XPNPEP2: variants seen among roughly 807,000 people sequenced by gnomAD.
The protein encoded by XPNPEP2 is xaa-Pro aminopeptidase 2.
Under a neutral mutation model 59.8 loss-of-function variants are expected in XPNPEP2, and 64 were observed. That is an observed-to-expected ratio of 1.07 (90% confidence interval 0.87 to 1.32). XPNPEP2 has a LOEUF of 1.32. XPNPEP2 is among the 40% of genes most tolerant of loss of function. The probability of loss-of-function intolerance (pLI) is 0.00; values close to 1 mark genes in which losing one functional copy is unlikely to be tolerated. For synonymous variants in XPNPEP2, 235 were observed against 210.0 expected (o/e 1.12, Z -1.03); for missense variants, 575 against 546.8 (o/e 1.05, Z -0.51).
intron 13 of XPNPEP2, among the ~76,000 whole-genome samples, chrX:129,755,724 T>C (rs926008828): frequency 2.7e-5 from 3 of 112,852 alleles, no homozygotes; most frequent in African/African-American, 9.7e-5. Context: ...GGGCCCAAGA[T>C]ACAGGCTAGC....
chrX:129,765,490 T>C, intron 19 of XPNPEP2, among the ~76,000 whole-genome samples: 1 of 111,404 alleles, frequency 9.0e-6, no homozygotes, highest in Non-Finnish European at 1.9e-5. Context: ...TTGTACTTTC[T>C]CCAACAGTGT....
chrX:129,754,667 G>T (rs1331129548), intron 12 of XPNPEP2, 86 bp downstream of exon 12: 4 of 904,819 alleles, frequency 4.4e-6, no homozygotes, highest in Non-Finnish European at 4.6e-6. Flanking sequence ...CCCTTACTTA[G>T]CAGAAAGGAA....
chrX:129,749,600 G>C (rs1404338329), intron 7 of XPNPEP2, among the ~76,000 whole-genome samples: 2 of 113,358 alleles, frequency 1.8e-5, no homozygotes, highest in East Asian at 2.8e-4. Context: ...CCTTCGGCCA[G>C]CAAACTCCTA....
intron 4 of XPNPEP2, 116 bp downstream of exon 4, chrX:129,745,382 A>AC: frequency 1.2e-6 from 1 of 825,654 alleles, no homozygotes; most frequent in Non-Finnish European, 1.8e-6. Flanking sequence ...TGTAGAGAAA[A>AC]CCCTTCTACT....
chrX:129,767,557 C>G (rs997120960), intron 19 of XPNPEP2, 46 bp from the exon 20 acceptor site: 3 of 1,165,326 alleles, frequency 2.6e-6, no homozygotes, highest in Non-Finnish European at 3.5e-6. Context: ...AGTTCCTCCT[C>G]CTCCCTCACT....
chrX:129,760,471 C>T, intron 15 of XPNPEP2, 41 bp from the exon 16 acceptor site: 2 of 1,186,491 alleles, frequency 1.7e-6, no homozygotes, highest in South Asian at 1.8e-5. Context: ...CCTCTGGCTC[C>T]TCCTCCCGTC....
At chrX:129,757,531 C>T (rs1351337028) in intron 14 of XPNPEP2, among the ~76,000 whole-genome samples, 1 of 108,021 alleles carries the variant, frequency 9.3e-6, no homozygotes, top group Non-Finnish European at 1.9e-5. Context: ...CCTGGCCAGG[C>T]GTGGTGGCTC....
At chrX:129,740,330 C>A (rs1926148731) in intron 1 of XPNPEP2, among the ~76,000 whole-genome samples, 2 of 112,610 alleles carry the variant, frequency 1.8e-5, no homozygotes. Flanking sequence ...TGTAGCTCAG[C>A]CCACTCGAAA....
intron 2 of XPNPEP2, among the ~76,000 whole-genome samples, chrX:129,743,295 T>C (rs1339225845): frequency 1.8e-5 from 2 of 112,046 alleles, no homozygotes; most frequent in Non-Finnish European, 3.8e-5. Flanking sequence ...AGAGAACTGG[T>C]CTGGAAAGGG....
At chrX:129,742,753 T>A (rs375915405) in intron 2 of XPNPEP2, among the ~76,000 whole-genome samples, 26 of 111,069 alleles carry the variant, frequency 2.3e-4, no homozygotes, top group African/African-American at 7.9e-4. Flanking sequence ...AATAAAAAAA[T>A]TAGCCAGGCA....
At chrX:129,768,221 G>A (rs1296852442) in intron 20 of XPNPEP2, 70 bp from the exon 21 acceptor site, 1 of 1,046,576 alleles carries the variant, frequency 9.6e-7, no homozygotes, top group Non-Finnish European at 1.3e-6. Context: ...ACAGGGGACT[G>A]GGCGTCACCA....
chrX:129,745,340 A>G, intron 4 of XPNPEP2, 74 bp downstream of exon 4: 1 of 1,131,217 alleles, frequency 8.8e-7, no homozygotes, highest in Non-Finnish European at 1.2e-6. Context: ...TAATGTGGCT[A>G]GTGTCTCAGC....
chrX:129,752,828 C>T (rs758555546), intron 10 of XPNPEP2, among the ~76,000 whole-genome samples: 1 of 112,523 alleles, frequency 8.9e-6, no homozygotes, highest in South Asian at 3.6e-4. Flanking sequence ...CTTACACTGT[C>T]AGGACAGCCT....
rs773594892 is a variant in XPNPEP2, at chrX:129,761,167, TC to T, written c.1499-3del. On this transcript the variant is annotated splice_polypyrimidine_tract_variant and splice_region_variant and intron_variant, in intron 16 of 20. Transcript: ENST00000371106. The stretch of plus-strand genomic sequence containing the variant: ...TGACTGGGGTCAATCTCTCTTCCCT[TC>T]CAGGGCGAATGGTGGAGGCCTTTGC... 2 of 1,210,487 alleles carry T rather than the reference TC, an allele frequency of 1.7e-6. No homozygotes were observed. Among genetic ancestry groups the T allele is most frequent in the Non-Finnish European group, 2.2e-6 (2 of 894,466 alleles).
rs779287249 is a variant in XPNPEP2 at position 129,750,494 on chromosome X, G to C, written c.664G>C (p.Gly222Arg). ...GAGCACTTGGCAGGAGAAAGTATCT[G>C]GCGTCCGAAGCCAGATGCAGAAGCA... Reference protein sequence around the residue: ...TGSTWQEKVSGVRSQMQKHQK... With the variant: ...TGSTWQEKVSRVRSQMQKHQK... Residue 222 changes from glycine to arginine, a missense_variant, in exon 8 of 21, where the codon GGC becomes CGC. Coordinates refer to ENST00000371106, the MANE Select transcript of XPNPEP2 (RefSeq NM_003399.6). 1 of 1,196,516 alleles carries C rather than the reference G, an allele frequency of 8.4e-7. No homozygotes were observed. Among genetic ancestry groups the C allele is most frequent in the Admixed American group, 2.3e-5 (1 of 43,795 alleles).
chrX:129,757,177 C>T (rs1196060361), intron 14 of XPNPEP2, among the ~76,000 whole-genome samples: 1 of 106,703 alleles, frequency 9.4e-6, no homozygotes, highest in Non-Finnish European at 1.9e-5. Context: ...AGGTGATCCA[C>T]CTGCCCCAGC....
intron 10 of XPNPEP2, among the ~76,000 whole-genome samples, 194 bp downstream of exon 10, chrX:129,752,539 A>G (rs914483894): frequency 1.8e-5 from 2 of 112,179 alleles, no homozygotes; most frequent in Non-Finnish European, 3.8e-5. Context: ...CAGAGAGCTC[A>G]TAAAATTGTC....
chrX:129,746,805 G>C (rs1466618651), intron 6 of XPNPEP2, 124 bp downstream of exon 6: 3 of 602,502 alleles, frequency 5.0e-6, no homozygotes, highest in Non-Finnish European at 8.2e-6. Context: ...TAGAGCATTT[G>C]AAATTGTAGT....
rs778328953 is a variant in XPNPEP2 at position 129,762,590 on chromosome X, A to G, written c.1664-104A>G. 40 of 704,547 alleles carry G rather than the reference A, an allele frequency of 5.7e-5. No homozygotes were observed. The East Asian group carries it at 1.2e-3, about 22-fold the overall frequency. 58.1% of individuals were successfully genotyped at this position (704,547 alleles called of 1,213,427 possible). ...GGCTGCCAGAGTCAACAGCCAGGGGACAGCCAGACAGCCAGTCCCTCCAGC... is the reference window on the plus strand; with the variant it reads ...GGCTGCCAGAGTCAACAGCCAGGGGGCAGCCAGACAGCCAGTCCCTCCAGC... On this transcript the variant is annotated intron_variant, in intron 18 of 20. Coordinates refer to ENST00000371106, the MANE Select transcript of XPNPEP2 (RefSeq NM_003399.6).
Sources: gnomAD v4.1 joint callset for allele counts (sites outside exome capture counted in the v4.1 genomes callset) on GRCh38, gnomAD v4.1.1 for gene constraint, MANE v1.5 for transcripts, NCBI Gene and HGNC (gene_info 2026-07-23, HGNC 2026-07-21) for gene names.